SEMA3E: variants seen among roughly 807,000 people sequenced by gnomAD.
SEMA3E encodes the protein semaphorin-3E.
A neutral mutation model predicts 93.6 loss-of-function variants in SEMA3E; 49 were observed. That is an observed-to-expected ratio of 0.52 (90% CI 0.42 to 0.66). The LOEUF (loss-of-function observed/expected upper bound fraction) is 0.66. Among genes scored for constraint, SEMA3E ranks in the 30% least tolerant of loss-of-function variants. The pLI is 0.00. For synonymous variants in SEMA3E, 363 were observed against 330.7 expected (o/e 1.10, Z -1.06); for missense variants, 906 against 964.8 (o/e 0.94, Z 0.81).
intron 2 of SEMA3E, among the ~76,000 whole-genome samples, chr7:83,478,387 A>AT (rs1383806599): frequency 6.6e-6 from 1 of 152,184 alleles, no homozygotes; most frequent in Non-Finnish European, 1.5e-5. Flanking sequence ...AAACATTTTC[A>AT]TTTTTTATTT....
Position 83,466,525 on chromosome 7 carries a change from A to G in SEMA3E, c.413T>C (p.Phe138Ser). ...TCTGATGAAGGCACAAACTGGATCA[A>G]AAGCTCCAGTACCACAGGTCAGAAG... ...THLLTCGTGA[F>S]DPVCAFIRVG... The change falls in exon 4 of 17, where the codon TTT becomes TCT. Residue 138 changes from phenylalanine to serine, a missense_variant. Phe to Ser is a radical substitution (Grantham distance 155). Transcript: ENST00000643230. The G allele has an allele frequency of 6.2e-7, 1 of 1,613,880 alleles. No individual in the cohort carries two copies. The highest frequency in any genetic ancestry group is 8.5e-7 in the Non-Finnish European group (1 of 1,179,812).
chr7:83,552,832 A>G (rs1049327670), intron 1 of SEMA3E, among the ~76,000 whole-genome samples: 3 of 151,858 alleles, frequency 2.0e-5, no homozygotes, highest in Non-Finnish European at 4.4e-5. Flanking sequence ...TATTTAAGAT[A>G]TTTATCAAGA....
intron 4 of SEMA3E, among the ~76,000 whole-genome samples, chr7:83,423,654 C>T (rs1035179995): frequency 2.7e-5 from 4 of 148,182 alleles, no homozygotes; most frequent in South Asian, 2.2e-4. Context: ...CAGACGCCCA[C>T]CACCACGCCC....
chr7:83,407,247 A>T lies in SEMA3E; in HGVS notation c.671-8T>A, dbSNP rs200175992. ...AACCTACAAATTTTGGTTCTATAGG[A>T]GCAAAAAATAGGAGAAAAAGTGAAA... On this transcript the variant is annotated splice_polypyrimidine_tract_variant and splice_region_variant and intron_variant, in intron 6 of 16. Coordinates refer to ENST00000643230, the MANE Select transcript of SEMA3E (RefSeq NM_012431.3). The T allele has an allele frequency of 6.2e-6, 10 of 1,609,684 alleles. No homozygotes were observed. Among genetic ancestry groups the T allele is most frequent in the Non-Finnish European group, 8.5e-6 (10 of 1,177,170 alleles).
intron 2 of SEMA3E, among the ~76,000 whole-genome samples, chr7:83,487,212 G>A (rs1220483697): frequency 3.3e-5 from 5 of 152,078 alleles, no homozygotes; most frequent in Non-Finnish European, 7.4e-5. Flanking sequence ...ACAATGAGAA[G>A]CTGCTATCTC....
intron 4 of SEMA3E, among the ~76,000 whole-genome samples, chr7:83,460,000 C>T (rs1482838078): frequency 2.0e-5 from 3 of 152,144 alleles, no homozygotes; most frequent in Non-Finnish European, 4.4e-5. Flanking sequence ...ACGGCCCCAC[C>T]CTTATCTCCC....
intron 2 of SEMA3E, among the ~76,000 whole-genome samples, chr7:83,471,099 T>C (rs1405189159): frequency 2.6e-5 from 4 of 151,934 alleles, no homozygotes; most frequent in Non-Finnish European, 5.9e-5. Context: ...GTTTTCTCTG[T>C]ACATAGTTTA....
At chr7:83,456,139 A>G (rs1004034798) in intron 4 of SEMA3E, among the ~76,000 whole-genome samples, 2 of 152,226 alleles carry the variant, frequency 1.3e-5, no homozygotes, top group African/African-American at 4.8e-5. Flanking sequence ...TTCTTAAGAG[A>G]AATGTTGGCT....
intron 14 of SEMA3E, among the ~76,000 whole-genome samples, chr7:83,387,291 C>T (rs1221799651): frequency 6.6e-6 from 1 of 152,062 alleles, no homozygotes; most frequent in African/African-American, 2.4e-5. Flanking sequence ...GAAACTCAAA[C>T]AACAATGGAA....
chr7:83,411,648 ATTT>A (rs1788441116), intron 5 of SEMA3E, among the ~76,000 whole-genome samples: 1 of 152,100 alleles, frequency 6.6e-6, no homozygotes, highest in South Asian at 2.1e-4. Flanking sequence ...CATTATTAAA[ATTT>A]TTAATACAAT....
At chr7:83,636,710 T>A (rs1041114340) in intron 1 of SEMA3E, among the ~76,000 whole-genome samples, 2 of 151,992 alleles carry the variant, frequency 1.3e-5, no homozygotes, top group Non-Finnish European at 2.9e-5. Flanking sequence ...TGTGGTAGAG[T>A]CATGTTCCCA....
intron 2 of SEMA3E, among the ~76,000 whole-genome samples, chr7:83,470,397 TTAATC>T (rs1789866998): frequency 6.6e-6 from 1 of 152,126 alleles, no homozygotes; most frequent in Admixed American, 6.6e-5. Flanking sequence ...CCCTTTTTGC[TTAATC>T]TATAGAATTG....
intron 16 of SEMA3E, among the ~76,000 whole-genome samples, chr7:83,380,310 GA>G (rs1169222509): frequency 6.6e-6 from 1 of 151,736 alleles, no homozygotes; most frequent in East Asian, 1.9e-4. Flanking sequence ...AATAACTATT[GA>G]AATATCATCC....
chr7:83,460,602 C>T (rs1353518668), intron 4 of SEMA3E, among the ~76,000 whole-genome samples: 1 of 41,210 alleles, frequency 2.4e-5, no homozygotes, highest in East Asian at 5.0e-3. Flanking sequence ...CCAACCCCTT[C>T]TCTCCTTGTC....
intron 4 of SEMA3E, among the ~76,000 whole-genome samples, chr7:83,453,776 A>C (rs1009887739): frequency 5.9e-5 from 9 of 152,154 alleles, no homozygotes; most frequent in Non-Finnish European, 1.0e-4. Context: ...ATCTTGGTAC[A>C]AATTATAATC....
intron 5 of SEMA3E, among the ~76,000 whole-genome samples, chr7:83,410,887 A>T (rs9791985): frequency 0.51 from 76,895 of 151,870 alleles, 22,331 homozygotes; most frequent in East Asian, 0.85. Flanking sequence ...TAAATGGTTG[A>T]AAATATAATT....
At chr7:83,620,600 A>G in intron 1 of SEMA3E, among the ~76,000 whole-genome samples, 1 of 152,170 alleles carries the variant, frequency 6.6e-6, no homozygotes, top group East Asian at 1.9e-4. Flanking sequence ...AATCCTCAAT[A>G]AAATACTGGC....
chr7:83,576,823 C>T (rs951491652), intron 1 of SEMA3E, among the ~76,000 whole-genome samples: 17 of 152,126 alleles, frequency 1.1e-4, no homozygotes, highest in Non-Finnish European at 1.9e-4. Flanking sequence ...GATGGGGTTT[C>T]GCCATGTTGG....
intron 1 of SEMA3E, among the ~76,000 whole-genome samples, chr7:83,645,720 TCTCTCTC>T (rs1794070605): frequency 6.6e-5 from 1 of 15,090 alleles, no homozygotes; most frequent in African/African-American, 3.7e-4. Context: ...CTTGTCTCCT[TCTCTCTC>T]TCTCTCTCTC....
Sources: gnomAD v4.1 joint callset for allele counts (sites outside exome capture counted in the v4.1 genomes callset) on GRCh38, gnomAD v4.1.1 for gene constraint, MANE v1.5 for transcripts, NCBI Gene and HGNC (gene_info 2026-07-23, HGNC 2026-07-21) for gene names.